The following PCYT1A variants were observed in gnomAD, a reference collection of about 807,000 sequenced individuals.
The protein encoded by PCYT1A is choline-phosphate cytidylyltransferase A.
In PCYT1A, 25 loss-of-function variants were observed where a neutral mutation model predicts 43.7. The observed-to-expected ratio is 0.57, with a 90% CI of 0.42 to 0.80. The LOEUF (loss-of-function observed/expected upper bound fraction) is 0.80, where lower values mean the gene tolerates loss of function less well. Ranked by LOEUF, PCYT1A falls within the 30% of genes least tolerant of loss-of-function variation. The probability of loss-of-function intolerance (pLI) is 0.00; values close to 1 mark genes in which losing one functional copy is unlikely to be tolerated. For synonymous variants in PCYT1A, 172 were observed against 170.7 expected (o/e 1.01, Z -0.06); for missense variants, 421 against 474.2 (o/e 0.89, Z 1.04).
intron 1 of PCYT1A, among the ~76,000 whole-genome samples, chr3:196,272,890 C>T (rs1355800626): frequency 6.6e-6 from 1 of 152,254 alleles, no homozygotes; most frequent in African/African-American, 2.4e-5. Context: ...GCACCTTTGC[C>T]TGAGTTTTGC....
At chr3:196,279,851 T>A (rs927523094) in intron 1 of PCYT1A, among the ~76,000 whole-genome samples, 2 of 92,874 alleles carry the variant, frequency 2.2e-5, no homozygotes, top group African/African-American at 8.8e-5. Flanking sequence ...TTTTTTTTTT[T>A]GAGACAGAGT....
At chr3:196,256,692 A>G (rs764400071) in intron 3 of PCYT1A, among the ~76,000 whole-genome samples, 2 of 151,932 alleles carry the variant, frequency 1.3e-5, no homozygotes, top group Non-Finnish European at 2.9e-5. Context: ...GGTGCCCACC[A>G]CCACGCCCAG....
chr3:196,253,820 A>G (rs1373779319), intron 3 of PCYT1A, among the ~76,000 whole-genome samples: 1 of 152,144 alleles, frequency 6.6e-6, no homozygotes, highest in East Asian at 1.9e-4. Context: ...AGCGTTAGCC[A>G]TTCTTTTACC....
In PCYT1A at chr3:196,242,593, A is replaced by G; in HGVS notation, c.534T>C (p.Ser178=). 4 of 1,612,474 alleles carry G rather than the reference A, an allele frequency of 2.5e-6. No homozygotes were observed. In the South Asian group the frequency reaches 3.3e-5, roughly 13 times the overall value. Residue 178 remains serine, a synonymous_variant, in exon 6 of 9, where the codon AGT becomes AGC. Transcript: ENST00000431016. This position sits in a 1 kb window ranked among gnomAD's most constrained non-coding sequence, Gnocchi z 4.2. The part of the protein sequence containing the change: ...HDDIPYSSAG[S]DDVYKHIKEA... ...CCTTGATGTGCTTATAAACATCATC[A>G]CTGCCAGCAGATGAATAAGGAATAT...
Position 196,247,554 on chromosome 3 carries a change from CT to C in PCYT1A, c.335-37del, listed in dbSNP as rs747871138. ...ACATCATAAATTGTGTGTTGGAGTC[CT>C]CTTTGCTTAGCACCTCCTCAGCCAC... On this transcript the variant is annotated intron_variant, in intron 4 of 8. Coordinates refer to ENST00000431016, the MANE Select transcript of PCYT1A (RefSeq NM_001312673.2). The surrounding 1 kb of genome is among the most constrained non-coding windows in gnomAD (Gnocchi z 4.8). The C allele has an allele frequency of 4.4e-6, 7 of 1,608,134 alleles. No individual in the cohort carries two copies. The African/African-American group carries it at 9.4e-5, about 21-fold the overall frequency.
At chr3:196,286,108 G>T (rs547480577) in intron 1 of PCYT1A, among the ~76,000 whole-genome samples, 1 of 148,454 alleles carries the variant, frequency 6.7e-6, no homozygotes, top group Admixed American at 6.7e-5. Flanking sequence ...TGTCACCCGG[G>T]CTGGAGTGCA....
rs779918737 is a variant in PCYT1A, at chr3:196,259,911, C to CTT, written c.118-2026_118-2025dup. Among the ~76,000 whole-genome samples the CTT allele has an allele frequency of 4.5e-3, 222 of 48,966 alleles. 47 individuals are homozygous for CTT. Among genetic ancestry groups the CTT allele is most frequent in the African/African-American group, 8.5e-3 (106 of 12,544 alleles). 32.1% of individuals were successfully genotyped at this position (48,966 alleles called of 152,430 possible). On this transcript the variant is annotated intron_variant, in intron 2 of 8. Transcript: ENST00000431016. ...ACTTAATGATATAAATGGAAACATT[C>CTT]TTTTTTTTTTTTTTTTTTTTTTTTT...
Position 196,247,114 on chromosome 3 carries a change from A to T in PCYT1A, c.486+253T>A, listed in dbSNP as rs937589964. Among the ~76,000 whole-genome samples, 4 of 152,236 alleles carry T rather than the reference A, an allele frequency of 2.6e-5. No homozygotes were observed. Among genetic ancestry groups the T allele is most frequent in the Non-Finnish European group, 5.9e-5 (4 of 68,046 alleles). On this transcript the variant is annotated intron_variant, in intron 5 of 8. Coordinates refer to ENST00000431016, the MANE Select transcript of PCYT1A (RefSeq NM_001312673.2). This position sits in a 1 kb window ranked among gnomAD's most constrained non-coding sequence, Gnocchi z 4.8. ...GTTACTCATATGTAAAGCGGAAATG[A>T]CAAACACACCACAGGATTGCTGTGG...
Position 196,242,842 on chromosome 3 carries a change from T to C in PCYT1A, c.487-202A>G. On this transcript the variant is annotated intron_variant, in intron 5 of 8. Transcript: ENST00000431016. This position sits in a 1 kb window ranked among gnomAD's most constrained non-coding sequence, Gnocchi z 4.2. ...GATTTATGGAGTATACATATGAAGT[T>C]AGCCAGCTGCTTTTGTAGCTATTTC... is the stretch of plus-strand genomic sequence containing the variant. 1 of 595,106 alleles carries C rather than the reference T, an allele frequency of 1.7e-6. No individual in the cohort carries two copies. The highest frequency in any genetic ancestry group is 2.0e-5 in the South Asian group (1 of 49,516). 36.9% of individuals were successfully genotyped at this position (595,106 alleles called of 1,614,324 possible).
rs1725350797 is a variant in PCYT1A, at chr3:196,268,849, AT to A, written c.117+1565del. Reference sequence around the variant, plus strand: ...AAAATAGTAAAGAGGCTTTGCAGATATGATTAAATAAAGGAAGATTATTCTG... The same window carrying A: ...AAAATAGTAAAGAGGCTTTGCAGATAGATTAAATAAAGGAAGATTATTCTG... On this transcript the variant is annotated intron_variant, in intron 2 of 8. Coordinates refer to ENST00000431016, the MANE Select transcript of PCYT1A (RefSeq NM_001312673.2). This position sits in a 1 kb window ranked among gnomAD's most constrained non-coding sequence, Gnocchi z 4.4. 6.6e-6 allele frequency among the ~76,000 whole-genome samples: 1 copy of A among 152,216 alleles called. No homozygotes were observed. The highest frequency in any genetic ancestry group is 1.5e-5 in the Non-Finnish European group (1 of 68,038).
chr3:196,269,230 T>C (rs1725365105), intron 2 of PCYT1A, among the ~76,000 whole-genome samples: 1 of 152,238 alleles, frequency 6.6e-6, no homozygotes, highest in South Asian at 2.1e-4. Flanking sequence ...TTATGATCAA[T>C]ATCAGCCCTG....
Position 196,238,854 on chromosome 3 carries a change from G to T in PCYT1A, c.938C>A (p.Ala313Asp), listed in dbSNP as rs571188438. 9.9e-6 allele frequency: 15 copies of T among 1,513,004 alleles called. No individual in the cohort carries two copies. Among genetic ancestry groups the T allele is most frequent in the African/African-American group, 1.4e-5 (1 of 70,694 alleles). 93.7% of individuals were successfully genotyped at this position (1,513,004 alleles called of 1,614,324 possible). The change falls in exon 9 of 9, where the codon GCC becomes GAC. Residue 313 changes from alanine to aspartate, a missense_variant. Physicochemically the swap from Ala to Asp is moderately radical, Grantham distance 126 (BLOSUM62 -2). Transcript: ENST00000431016. ...LKEGKGRMLQAISPKQSPSSS... is the reference protein window; with the variant it reads ...LKEGKGRMLQDISPKQSPSSS... The stretch of plus-strand genomic sequence containing the variant: ...GCTGGGGCTCTGCTTCGGGCTGATG[G>T]CCTGCAGCATCCGGCCCTTCCCCTC...
chr3:196,249,314 T>TTC (rs1288282914), intron 3 of PCYT1A, among the ~76,000 whole-genome samples: 1 of 37,420 alleles, frequency 2.7e-5, no homozygotes, highest in African/African-American at 7.0e-5. Flanking sequence ...GCCCAGCTAA[T>TTC]TTTTTTTTTT....
chr3:196,242,723 G>A lies in PCYT1A; in HGVS notation c.487-83C>T. 1.1e-6 allele frequency: 1 copy of A among 911,096 alleles called. No individual in the cohort carries two copies. Among genetic ancestry groups the A allele is most frequent in the Non-Finnish European group, 1.8e-6 (1 of 541,620 alleles). The allele number at this position is 911,096 out of a possible 1,614,324, so 56.4% of individuals were successfully genotyped here. On this transcript the variant is annotated intron_variant, in intron 5 of 8. Transcript: ENST00000431016. The surrounding 1 kb of genome is among the most constrained non-coding windows in gnomAD (Gnocchi z 4.2). The stretch of plus-strand genomic sequence containing the variant: ...TCAATGTTCTCAGGCCCAGAAAAAG[G>A]ACAATAGGCAGAGGCCAGGCCTCAG...
intron 2 of PCYT1A, among the ~76,000 whole-genome samples, chr3:196,264,738 T>C (rs548333935): frequency 1.6e-4 from 24 of 152,300 alleles, no homozygotes; most frequent in Admixed American, 6.5e-5. Flanking sequence ...TCTCAAGAGA[T>C]TGACTTTGTA....
At chr3:196,244,112 T>G (rs925434645) in intron 5 of PCYT1A, among the ~76,000 whole-genome samples, 3 of 118,612 alleles carry the variant, frequency 2.5e-5, no homozygotes, top group Non-Finnish European at 3.5e-5. Context: ...CGCCGCCCCA[T>G]CTGGGATGTG....
At chr3:196,251,121 C>A (rs1429356622) in intron 3 of PCYT1A, among the ~76,000 whole-genome samples, 2 of 150,388 alleles carry the variant, frequency 1.3e-5, no homozygotes, top group Non-Finnish European at 3.0e-5. Context: ...ATCAGATACA[C>A]CATGCTGAGG....
At chr3:196,256,624 C>G (rs1362946780) in intron 3 of PCYT1A, among the ~76,000 whole-genome samples, 2 of 152,202 alleles carry the variant, frequency 1.3e-5, no homozygotes, top group Non-Finnish European at 2.9e-5. Flanking sequence ...ACTGCAATCT[C>G]TGCCTCCCAG....
In PCYT1A at chr3:196,276,411, C is replaced by G. The variant is rs368186979; in HGVS notation, c.-10-5870G>C. On this transcript the variant is annotated intron_variant, in intron 1 of 8. Coordinates refer to ENST00000431016, the MANE Select transcript of PCYT1A (RefSeq NM_001312673.2). ...CTCAGGTCAGGAGTTTGAGACCAGC[C>G]TGTGCAACATGGTGAAACTCCATCT... Among the ~76,000 whole-genome samples, 108 of 152,080 alleles carry G rather than the reference C, an allele frequency of 7.1e-4. 3 individuals are homozygous for G. The highest frequency in any genetic ancestry group is 3.5e-3 in the East Asian group (18 of 5,154).
Sources: gnomAD v4.1 joint callset for allele counts (sites outside exome capture counted in the v4.1 genomes callset) on GRCh38, gnomAD v4.1.1 for gene constraint, Gnocchi (gnomAD v3.1) non-coding constraint, MANE v1.5 for transcripts, NCBI Gene and HGNC (gene_info 2026-07-23, HGNC 2026-07-21) for gene names.